Variants in GPC6 observed in about 807,000 individuals in gnomAD.
The protein encoded by GPC6 is glypican 6, also known as glypican-6.
A neutral mutation model predicts 55.2 loss-of-function variants in GPC6; 14 were observed. The observed-to-expected ratio is 0.25, with a 90% CI of 0.17 to 0.40. GPC6 has a LOEUF of 0.40. GPC6 is among the 10% of genes least tolerant of loss of function. The probability of loss-of-function intolerance (pLI) is 1.00; values close to 1 mark genes in which losing one functional copy is unlikely to be tolerated. For missense variants in GPC6, 641 were observed against 708.5 expected, an observed-to-expected ratio of 0.90 and a Z score of 1.08; for synonymous variants, 278 against 259.6, an observed-to-expected ratio of 1.07 and a Z score of -0.68.
At chr13:93,791,291 C>T (rs1594460369) in intron 2 of GPC6, among the ~76,000 whole-genome samples, 1 of 152,282 alleles carries the variant, frequency 6.6e-6, no homozygotes, top group African/African-American at 2.4e-5. Context: ...GAAATAGTCC[C>T]TGTCTTGTAA....
intron 4 of GPC6, among the ~76,000 whole-genome samples, chr13:94,147,623 C>G (rs934868082): frequency 1.3e-5 from 2 of 152,120 alleles, no homozygotes; most frequent in Non-Finnish European, 2.9e-5. Flanking sequence ...AAGTGTGGCA[C>G]ACTGAACTGA....
intron 2 of GPC6, among the ~76,000 whole-genome samples, chr13:93,584,510 C>T (rs73541560): frequency 0.063 from 9,578 of 152,038 alleles, 965 homozygotes; most frequent in African/African-American, 0.21. Context: ...TCTGTTTAAA[C>T]ACTTCTCAGT....
intron 1 of GPC6, among the ~76,000 whole-genome samples, chr13:93,461,632 A>G (rs1361365222): frequency 9.3e-6 from 1 of 107,780 alleles, no homozygotes; most frequent in Non-Finnish European, 1.7e-5. Flanking sequence ...TTCAAGCCAT[A>G]TGTTTCATAG....
chr13:94,328,549 T>C (rs1877242847), intron 6 of GPC6, among the ~76,000 whole-genome samples: 1 of 152,202 alleles, frequency 6.6e-6, no homozygotes, highest in Admixed American at 6.5e-5. Flanking sequence ...GCAGCTGCCG[T>C]CTGACATCAC....
chr13:93,712,639 G>A (rs925210235), intron 2 of GPC6, among the ~76,000 whole-genome samples: 1 of 151,508 alleles, frequency 6.6e-6, no homozygotes, highest in Non-Finnish European at 1.5e-5. Context: ...GTCCTAAATG[G>A]AGTGTAGTTT....
chr13:93,698,756 T>C (rs911401186), intron 2 of GPC6, among the ~76,000 whole-genome samples: 6 of 152,034 alleles, frequency 3.9e-5, no homozygotes, highest in African/African-American at 1.4e-4. Flanking sequence ...TAAAAACCAA[T>C]GTATTTGGCT....
At chr13:94,269,466 C>T (rs1446773061) in intron 4 of GPC6, among the ~76,000 whole-genome samples, 4 of 152,080 alleles carry the variant, frequency 2.6e-5, no homozygotes, top group Non-Finnish European at 5.9e-5. Flanking sequence ...TGAGAGGAAA[C>T]GGTCTTAAGA....
intron 3 of GPC6, among the ~76,000 whole-genome samples, chr13:93,957,127 A>G (rs951215750): frequency 6.6e-6 from 1 of 152,182 alleles, no homozygotes. Flanking sequence ...TTATTGCCCT[A>G]GTACATAACT....
intron 2 of GPC6, among the ~76,000 whole-genome samples, chr13:93,700,217 A>G (rs1015207105): frequency 3.9e-5 from 6 of 152,100 alleles, no homozygotes; most frequent in African/African-American, 1.4e-4. Context: ...CTGAGGATTT[A>G]TCCTAGCACA....
chr13:93,531,972 G>A (rs549904242), intron 1 of GPC6, among the ~76,000 whole-genome samples: 16 of 152,010 alleles, frequency 1.1e-4, no homozygotes, highest in Non-Finnish European at 2.1e-4. Flanking sequence ...TTAAAAGGAC[G>A]GTAGTACTAT....
chr13:93,238,179 G>A (rs563904927), intron 1 of GPC6, among the ~76,000 whole-genome samples: 1 of 152,098 alleles, frequency 6.6e-6, no homozygotes, highest in Non-Finnish European at 1.5e-5. Flanking sequence ...TCACAGTATT[G>A]ATTCTTCCAA....
chr13:93,792,567 T>C (rs553936403), intron 2 of GPC6, among the ~76,000 whole-genome samples: 11 of 152,150 alleles, frequency 7.2e-5, no homozygotes, highest in Admixed American at 1.3e-4. Context: ...CACCTCAGCC[T>C]CCCAAAGTGC....
At chr13:93,401,023 T>C (rs752574306) in intron 1 of GPC6, among the ~76,000 whole-genome samples, 6 of 152,146 alleles carry the variant, frequency 3.9e-5, no homozygotes, top group Non-Finnish European at 5.9e-5. Flanking sequence ...CAGCTCACTT[T>C]CCTCCTTGCT....
chr13:93,651,851 AC>A (rs35586718), intron 2 of GPC6, among the ~76,000 whole-genome samples: 2 of 152,118 alleles, frequency 1.3e-5, no homozygotes, highest in Non-Finnish European at 2.9e-5. Context: ...GTTAACAAAC[AC>A]CGACGTCCAT....
At chr13:93,962,284 C>A (rs908694136) in intron 3 of GPC6, among the ~76,000 whole-genome samples, 13 of 151,854 alleles carry the variant, frequency 8.6e-5, no homozygotes, top group Admixed American at 7.9e-4. Context: ...TCTTTTTAAC[C>A]CTTAAGCATT....
At chr13:93,459,765 C>T (rs1021336700) in intron 1 of GPC6, among the ~76,000 whole-genome samples, 1 of 152,060 alleles carries the variant, frequency 6.6e-6, no homozygotes, top group Non-Finnish European at 1.5e-5. Flanking sequence ...TAAAATTTCC[C>T]GACACAGTTA....
intron 1 of GPC6, among the ~76,000 whole-genome samples, chr13:93,237,356 T>A (rs9523970): frequency 0.26 from 39,037 of 151,922 alleles, 5,100 homozygotes; most frequent in African/African-American, 0.32. Flanking sequence ...TTTTTGCCCA[T>A]TTGTGTGTCT....
chr13:93,647,950 T>A (rs1424913258), intron 2 of GPC6, among the ~76,000 whole-genome samples: 1 of 152,056 alleles, frequency 6.6e-6, no homozygotes, highest in Non-Finnish European at 1.5e-5. Context: ...AAAGCAAATA[T>A]CTTGCTGCCT....
intron 4 of GPC6, among the ~76,000 whole-genome samples, chr13:94,200,914 T>C (rs975675612): frequency 2.0e-5 from 3 of 152,292 alleles, no homozygotes; most frequent in African/African-American, 7.2e-5. Context: ...TGACCAGGGC[T>C]TCAATAAAGC....
Sources: gnomAD v4.1 joint callset for allele counts (sites outside exome capture counted in the v4.1 genomes callset) on GRCh38, gnomAD v4.1.1 for gene constraint, MANE v1.5 for transcripts, NCBI Gene and HGNC (gene_info 2026-07-23, HGNC 2026-07-21) for gene names.